Variants in TTC23 observed in about 807,000 individuals in gnomAD.
TTC23 encodes the protein tetratricopeptide repeat protein 23.
In TTC23, 58 loss-of-function variants were observed where a neutral mutation model predicts 55.1. The ratio of observed to expected loss-of-function variants is 1.05; its 90% CI spans 0.85 to 1.31. TTC23 has a LOEUF of 1.31. TTC23 is among the 50% of genes most tolerant of loss of function. The pLI, the probability that TTC23 is intolerant of heterozygous loss-of-function variation, is 0.00. For missense variants in TTC23, 516 were observed against 534.4 expected (o/e 0.97, Z 0.34); for synonymous variants, 203 against 199.9 (o/e 1.02, Z -0.13).
At chr15:99,159,577 A>T (rs2071077890) in intron 11 of TTC23, 1 of 152,330 alleles carries the variant, frequency 6.6e-6, no homozygotes, top group Non-Finnish European at 1.5e-5. Flanking sequence ...AGAAGCTGGC[A>T]CTGCCCGGAA....
At chr15:99,160,319 G>A (rs983920340) in intron 11 of TTC23, 2 of 152,072 alleles carry the variant, frequency 1.3e-5, no homozygotes, top group African/African-American at 2.4e-5. Flanking sequence ...GATTTGCCAT[G>A]ATAGGTTAGA....
chr15:99,246,056 C>G (rs565723074), intron 1 of TTC23, among the ~76,000 whole-genome samples: 1 of 152,022 alleles, frequency 6.6e-6, no homozygotes, highest in African/African-American at 2.4e-5. Context: ...GTGATCCACC[C>G]GACTTGGCCT....
At chr15:99,215,319 G>A (rs1416987203) in intron 8 of TTC23, among the ~76,000 whole-genome samples, 2 of 152,142 alleles carry the variant, frequency 1.3e-5, no homozygotes, top group African/African-American at 4.8e-5. Flanking sequence ...ACCAAGCAGA[G>A]AGGATAAAGA....
At chr15:99,167,063 C>G (rs368952455) in intron 10 of TTC23, among the ~76,000 whole-genome samples, 3 of 152,118 alleles carry the variant, frequency 2.0e-5, no homozygotes, top group South Asian at 2.1e-4. Flanking sequence ...CAGCCTTTGA[C>G]GGGAGGGCAA....
chr15:99,217,870 A>G (rs969237019), intron 8 of TTC23, among the ~76,000 whole-genome samples: 3 of 152,208 alleles, frequency 2.0e-5, no homozygotes, highest in East Asian at 1.9e-4. Context: ...CAACCTACAC[A>G]TACAATCTAG....
At chr15:99,184,998 C>T (rs888493922) in intron 9 of TTC23, among the ~76,000 whole-genome samples, 7 of 152,096 alleles carry the variant, frequency 4.6e-5, no homozygotes, top group African/African-American at 1.7e-4. Context: ...TCTGGCATTT[C>T]CCCTGCTGGC....
At chr15:99,141,218 TG>T (rs2068198460) in intron 12 of TTC23, among the ~76,000 whole-genome samples, 1 of 152,198 alleles carries the variant, frequency 6.6e-6, no homozygotes, top group South Asian at 2.1e-4. Context: ...ATATTATATA[TG>T]TATGTGATAT....
intron 11 of TTC23, 116 bp from the exon 12 acceptor site, chr15:99,156,413 C>T: frequency 8.2e-7 from 1 of 1,213,850 alleles, no homozygotes; most frequent in East Asian, 2.4e-5. Context: ...AGCCTGTTCT[C>T]CTCTTGTATT....
rs2077951126 is a variant in TTC23, at chr15:99,221,757, G to A, written c.288C>T (p.Gly96=). ...CGAGCTTACCTTTCAGCTGGAGGTAGCCTTGAGCCAGATTAACATGTGCCT... is the reference window on the plus strand; with the variant it reads ...CGAGCTTACCTTTCAGCTGGAGGTAACCTTGAGCCAGATTAACATGTGCCT... ...LAEAHVNLAQ[G]YLQLKGLSLQ... is the part of the protein sequence containing the mutation. The change falls in exon 6 of 14, where the codon GGC becomes GGT. Residue 96 remains glycine, a synonymous_variant. Transcript: ENST00000394132. 1.9e-6 allele frequency: 3 copies of A among 1,614,046 alleles called. No individual in the cohort carries two copies. Among genetic ancestry groups the A allele is most frequent in the Non-Finnish European group, 2.5e-6 (3 of 1,179,934 alleles).
intron 9 of TTC23, among the ~76,000 whole-genome samples, chr15:99,198,619 T>C (rs190903933): frequency 4.5e-4 from 68 of 152,324 alleles, no homozygotes; most frequent in African/African-American, 1.3e-3. Flanking sequence ...ATGCCATTTA[T>C]TGGGTATGTA....
intron 9 of TTC23, among the ~76,000 whole-genome samples, chr15:99,187,829 A>G (rs2074864138): frequency 6.6e-6 from 1 of 152,084 alleles, no homozygotes; most frequent in African/African-American, 2.4e-5. Flanking sequence ...AAATTAAAAA[A>G]GACAGATAGT....
At chr15:99,232,582 A>C (rs1466403198) in intron 4 of TTC23, among the ~76,000 whole-genome samples, 2 of 152,194 alleles carry the variant, frequency 1.3e-5, no homozygotes, top group African/African-American at 4.8e-5. Context: ...ATCATTAGAG[A>C]AATGCAAATT....
chr15:99,156,025 T>G (rs915522099), intron 12 of TTC23, 123 bp downstream of exon 12: 1 of 1,338,760 alleles, frequency 7.5e-7, no homozygotes, highest in African/African-American at 1.5e-5. Flanking sequence ...AAAAGTGATG[T>G]CATCCTATCT....
At position 99,156,260 on chromosome 15, in the gene TTC23, T is replaced by A. The variant is rs767805752; in HGVS notation, c.1031A>T (p.Lys344Ile). 1 of 1,614,234 alleles carries A rather than the reference T, an allele frequency of 6.2e-7. No homozygotes were observed. Among genetic ancestry groups the A allele is most frequent in the Admixed American group, 1.7e-5 (1 of 60,032 alleles). The part of the protein sequence containing the change: ...TSILRESLEA[K>I]VEAFGDFSPE... ...ACTGAAATCGCCAAATGCTTCCACT[T>A]TGGCTTCCAGGGACTCTCTCAGGAT... Residue 344 changes from lysine to isoleucine, a missense_variant, in exon 12 of 14, where the codon AAA becomes ATA. Transcript: ENST00000394132.
At chr15:99,173,053 AC>A (rs2073135924) in intron 10 of TTC23, among the ~76,000 whole-genome samples, 1 of 152,124 alleles carries the variant, frequency 6.6e-6, no homozygotes, top group Admixed American at 6.5e-5. Flanking sequence ...AGTGCTGGAA[AC>A]CAGAATCCCT....
intron 2 of TTC23, among the ~76,000 whole-genome samples, chr15:99,243,932 T>G (rs936500418): frequency 1.3e-5 from 2 of 152,082 alleles, no homozygotes; most frequent in Admixed American, 1.3e-4. Flanking sequence ...GTGACTACAG[T>G]CAACAATAAG....
chr15:99,238,092 A>G (rs1005736811), intron 3 of TTC23, among the ~76,000 whole-genome samples: 1 of 152,022 alleles, frequency 6.6e-6, no homozygotes, highest in Non-Finnish European at 1.5e-5. Flanking sequence ...CCGCCTCCCA[A>G]GGAGCTGGGA....
intron 5 of TTC23, among the ~76,000 whole-genome samples, chr15:99,222,469 G>A (rs2078027116): frequency 6.6e-6 from 1 of 152,136 alleles, no homozygotes; most frequent in Non-Finnish European, 1.5e-5. Flanking sequence ...GTAGAGATGG[G>A]ATTTTGCCAT....
intron 8 of TTC23, among the ~76,000 whole-genome samples, chr15:99,216,275 T>C (rs1428804453): frequency 6.6e-6 from 1 of 152,162 alleles, no homozygotes; most frequent in African/African-American, 2.4e-5. Flanking sequence ...TGATAAAATA[T>C]ATGGAGTAGA....
Sources: allele counts gnomAD v4.1 joint callset (sites outside exome capture counted in the v4.1 genomes callset), GRCh38; gene constraint gnomAD v4.1.1; transcripts MANE v1.5; gene names NCBI Gene and HGNC (gene_info 2026-07-23, HGNC 2026-07-21).